Variants in COL22A1 observed in about 807,000 individuals in gnomAD.
The protein encoded by COL22A1 is collagen type XXII alpha 1 chain, also known as collagen alpha-1(XXII) chain.
Under a neutral mutation model 248.9 loss-of-function variants are expected in COL22A1, and 221 were observed. The observed-to-expected ratio is 0.89, with a 90% CI of 0.80 to 0.99. The LOEUF (loss-of-function observed/expected upper bound fraction) is 0.99. COL22A1 is among the 50% of genes least tolerant of loss of function. COL22A1 has a pLI of 0.00. For missense variants in COL22A1, 2,240 were observed against 2,179.0 expected (o/e 1.03, Z -0.56); for synonymous variants, 891 against 793.4 (o/e 1.12, Z -2.07).
Position 138,834,784 on chromosome 8 carries a change from C to T in COL22A1, c.734-1634G>A, listed in dbSNP as rs532221204. On this transcript the variant is annotated intron_variant, in intron 4 of 64. Transcript: ENST00000303045. ...TGTTTTCTCATCACAATTACAGCAT[C>T]CTCTAATGCTAAATTCTGTCCATAG... Among the ~76,000 whole-genome samples the T allele has an allele frequency of 9.8e-5, 15 of 152,338 alleles. 1 individual carries two copies. The South Asian group carries it at 2.9e-3, about 29-fold the overall frequency.
chr8:138,844,969 G>C (rs528757679), intron 3 of COL22A1, among the ~76,000 whole-genome samples: 1 of 144,906 alleles, frequency 6.9e-6, no homozygotes, highest in African/African-American at 2.6e-5. Context: ...AAAAAAAAAA[G>C]GAAAGCATGC....
At chr8:138,772,589 C>T (rs1411732233) in intron 16 of COL22A1, among the ~76,000 whole-genome samples, 2 of 152,220 alleles carry the variant, frequency 1.3e-5, no homozygotes, top group Non-Finnish European at 2.9e-5. Flanking sequence ...GGAACGGATG[C>T]GTCCATTCAC....
intron 1 of COL22A1, among the ~76,000 whole-genome samples, chr8:138,894,899 G>A (rs1183299881): frequency 2.0e-5 from 3 of 151,784 alleles, no homozygotes; most frequent in Admixed American, 1.3e-4. Context: ...ACAAACAAAC[G>A]AAAAACCTGG....
intron 3 of COL22A1, among the ~76,000 whole-genome samples, chr8:138,871,422 C>G (rs1203198282): frequency 6.6e-6 from 1 of 152,206 alleles, no homozygotes; most frequent in Non-Finnish European, 1.5e-5. Flanking sequence ...CTCAGCCTAT[C>G]AATCTTGGCT....
chr8:138,639,736 A>C (rs1821503577), intron 47 of COL22A1, among the ~76,000 whole-genome samples: 1 of 152,220 alleles, frequency 6.6e-6, no homozygotes, highest in Non-Finnish European at 1.5e-5. Flanking sequence ...GAACTCAGCA[A>C]TGTCTTTCTG....
chr8:138,655,621 G>A (rs1035787212), intron 45 of COL22A1, among the ~76,000 whole-genome samples: 11 of 152,078 alleles, frequency 7.2e-5, no homozygotes, highest in Admixed American at 2.6e-4. Context: ...CTATCCCCAC[G>A]ACATGCTGGG....
intron 62 of COL22A1, 68 bp downstream of exon 62, chr8:138,596,836 A>G: frequency 4.1e-6 from 6 of 1,449,798 alleles, no homozygotes; most frequent in Non-Finnish European, 5.8e-6. Flanking sequence ...AAAAGCATTC[A>G]AGGCTGAGTG....
chr8:138,857,562 C>T (rs559617279), intron 3 of COL22A1, among the ~76,000 whole-genome samples: 2 of 152,316 alleles, frequency 1.3e-5, no homozygotes, highest in East Asian at 3.9e-4. Context: ...CCACCATGTC[C>T]AGGCCCCTCC....
chr8:138,646,218 G>T (rs1822191269), intron 47 of COL22A1, among the ~76,000 whole-genome samples: 1 of 152,114 alleles, frequency 6.6e-6, no homozygotes, highest in Non-Finnish European at 1.5e-5. Context: ...CATTCAAAAA[G>T]CACTTTCCTA....
intron 34 of COL22A1, 123 bp from the exon 35 acceptor site, chr8:138,693,822 C>G: frequency 1.1e-6 from 1 of 939,860 alleles, no homozygotes; most frequent in Non-Finnish European, 1.7e-6. Context: ...TGAAGGGGCC[C>G]GGGAGCACCG....
intron 52 of COL22A1, among the ~76,000 whole-genome samples, chr8:138,622,689 C>T (rs1216092179): frequency 6.6e-6 from 1 of 152,110 alleles, no homozygotes; most frequent in Non-Finnish European, 1.5e-5. Flanking sequence ...GATAGGCCCA[C>T]AACTATTTTT....
intron 44 of COL22A1, among the ~76,000 whole-genome samples, chr8:138,656,326 T>G (rs1247637535): frequency 1.3e-5 from 2 of 152,202 alleles, no homozygotes; most frequent in Admixed American, 6.5e-5. Context: ...GTCATGGATA[T>G]CCCAAAAGAG....
At chr8:138,836,210 G>T (rs964108408) in intron 4 of COL22A1, among the ~76,000 whole-genome samples, 3 of 152,144 alleles carry the variant, frequency 2.0e-5, no homozygotes, top group Non-Finnish European at 2.9e-5. Flanking sequence ...GGCAGAGGTT[G>T]CAGTGAGCCT....
chr8:138,662,160 T>C, intron 42 of COL22A1, 77 bp from the exon 43 acceptor site: 1 of 1,240,680 alleles, frequency 8.1e-7, no homozygotes, highest in Non-Finnish European at 1.2e-6. Context: ...TGGCAATAGT[T>C]GGCTCTCCTT....
At chr8:138,690,325 T>C (rs1029385897) in intron 36 of COL22A1, among the ~76,000 whole-genome samples, 8 of 152,050 alleles carry the variant, frequency 5.3e-5, no homozygotes, top group African/African-American at 1.9e-4. Flanking sequence ...GGCCTCGACA[T>C]GGAAAAGGCA....
At chr8:138,692,340 G>A (rs1282466063) in intron 35 of COL22A1, among the ~76,000 whole-genome samples, 1 of 73,438 alleles carries the variant, frequency 1.4e-5, no homozygotes, top group African/African-American at 5.2e-5. Context: ...GTTTGTGGAT[G>A]TGTGTATGTG....
intron 41 of COL22A1, among the ~76,000 whole-genome samples, chr8:138,674,280 T>C (rs1420944216): frequency 1.3e-5 from 2 of 152,168 alleles, no homozygotes; most frequent in Admixed American, 6.5e-5. Context: ...CAAATGGCAA[T>C]GTTCCTGTAA....
intron 50 of COL22A1, 41 bp from the exon 51 acceptor site, chr8:138,626,284 T>G: frequency 6.6e-7 from 1 of 1,511,254 alleles, no homozygotes; most frequent in African/African-American, 1.4e-5. Context: ...AAACCTCTGC[T>G]GGCTTTTCTG....
intron 1 of COL22A1, among the ~76,000 whole-genome samples, chr8:138,910,503 C>G (rs1024557254): frequency 2.6e-5 from 4 of 152,172 alleles, no homozygotes; most frequent in African/African-American, 9.7e-5. Context: ...TCCCAGAACT[C>G]TCTCTGTTCC....
Sources: allele counts gnomAD v4.1 joint callset (sites outside exome capture counted in the v4.1 genomes callset), GRCh38; gene constraint gnomAD v4.1.1; transcripts MANE v1.5; gene names NCBI Gene and HGNC (gene_info 2026-07-23, HGNC 2026-07-21).